TTC21B: variants seen among roughly 807,000 people sequenced by gnomAD.
TTC21B encodes tetratricopeptide repeat domain 21B, also known as tetratricopeptide repeat protein 21B.
A neutral mutation model predicts 175.1 loss-of-function variants in TTC21B; 127 were observed. The observed-to-expected ratio is 0.73, with a 90% confidence interval of 0.63 to 0.84. The LOEUF (loss-of-function observed/expected upper bound fraction) is 0.84, where lower values mean the gene tolerates loss of function less well. Among genes scored for constraint, TTC21B ranks in the 40% least tolerant of loss-of-function variants. The pLI is 0.00. For synonymous variants in TTC21B, 524 were observed against 524.5 expected (o/e 1.00, Z 0.01); for missense variants, 1,561 against 1,558.3 (o/e 1.00, Z -0.03).
intron 6 of TTC21B, among the ~76,000 whole-genome samples, chr2:165,937,593 C>G (rs1687197938): frequency 6.6e-6 from 1 of 151,986 alleles, no homozygotes; most frequent in African/African-American, 2.4e-5. Context: ...GAACCTAAAA[C>G]TACCCTAAAA....
chr2:165,900,356 C>T (rs895309191), intron 20 of TTC21B, among the ~76,000 whole-genome samples: 4 of 151,990 alleles, frequency 2.6e-5, no homozygotes, highest in Admixed American at 1.3e-4. Flanking sequence ...TTGTTTTTGC[C>T]GTTTATCTGA....
chr2:165,896,649 A>G (rs1227085240), intron 22 of TTC21B, among the ~76,000 whole-genome samples: 2 of 152,184 alleles, frequency 1.3e-5, no homozygotes, highest in Non-Finnish European at 2.9e-5. Flanking sequence ...CACAAAAGAA[A>G]ATGAGGCAGC....
intron 1 of TTC21B, among the ~76,000 whole-genome samples, chr2:165,953,366 G>C (rs1687819095): frequency 6.6e-6 from 1 of 152,184 alleles, no homozygotes; most frequent in Non-Finnish European, 1.5e-5. Flanking sequence ...ATCGCACCCG[G>C]AGGCGCAGTG....
chr2:165,876,114 A>G (rs779924410), intron 28 of TTC21B, 51 bp downstream of exon 28: 1 of 1,043,308 alleles, frequency 9.6e-7, no homozygotes, highest in South Asian at 1.3e-5. Context: ...TTAAAAAAGT[A>G]GGAAATTGTG....
In TTC21B at chr2:165,876,157, G is replaced by T. The variant is rs1352833895; in HGVS notation, c.3873+8C>A. The T allele has an allele frequency of 1.3e-6, 2 of 1,559,952 alleles. No individual in the cohort carries two copies. The highest frequency in any genetic ancestry group is 1.8e-6 in the Non-Finnish European group (2 of 1,133,848). On this transcript the variant is annotated splice_region_variant and intron_variant, in intron 28 of 28. Coordinates refer to ENST00000243344, the MANE Select transcript of TTC21B (RefSeq NM_024753.5). ...AAAATTTTAAGAAATCTAAATTTAAGTGTTTACCTGGTGACATATGTCAAT... is the reference window on the plus strand; with the variant it reads ...AAAATTTTAAGAAATCTAAATTTAATTGTTTACCTGGTGACATATGTCAAT...
chr2:165,935,268 T>C (rs1009172945), intron 6 of TTC21B, among the ~76,000 whole-genome samples: 1 of 152,198 alleles, frequency 6.6e-6, no homozygotes, highest in Non-Finnish European at 1.5e-5. Flanking sequence ...TTGTAGCAGC[T>C]TAGCCTACCC....
At chr2:165,922,827 C>CCA (rs1433473031) in intron 12 of TTC21B, among the ~76,000 whole-genome samples, 1 of 152,026 alleles carries the variant, frequency 6.6e-6, no homozygotes, top group Admixed American at 6.6e-5. Context: ...AGACATGGAA[C>CCA]CAACATAAGC....
chr2:165,919,544 C>T (rs1686311108), intron 12 of TTC21B, 111 bp from the exon 13 acceptor site: 4 of 1,255,616 alleles, frequency 3.2e-6, no homozygotes, highest in Non-Finnish European at 4.5e-6. Context: ...TGTTTGTAAA[C>T]TTAAAGTTTG....
intron 24 of TTC21B, among the ~76,000 whole-genome samples, chr2:165,890,140 G>A (rs1274744582): frequency 6.6e-6 from 1 of 152,176 alleles, no homozygotes; most frequent in Non-Finnish European, 1.5e-5. Flanking sequence ...CATTTGTTAA[G>A]TAGTTACTAT....
At chr2:165,877,001 T>G (rs1052376190) in intron 27 of TTC21B, among the ~76,000 whole-genome samples, 17 of 152,186 alleles carry the variant, frequency 1.1e-4, no homozygotes, top group South Asian at 6.2e-4. Flanking sequence ...TTACTGATAG[T>G]GAAATGCCAC....
At chr2:165,952,576 T>C (rs544805528) in intron 1 of TTC21B, among the ~76,000 whole-genome samples, 9 of 152,296 alleles carry the variant, frequency 5.9e-5, no homozygotes, top group Non-Finnish European at 1.0e-4. Flanking sequence ...GGAGGCCCAT[T>C]TTTACATTTT....
chr2:165,906,703 G>A (rs1402545459), intron 19 of TTC21B, among the ~76,000 whole-genome samples: 1 of 152,080 alleles, frequency 6.6e-6, no homozygotes, highest in East Asian at 1.9e-4. Context: ...CCAGCACGTT[G>A]GAAGGCCGTG....
Position 165,874,719 on chromosome 2 carries a change from T to G in TTC21B, c.*36A>C. ...AGAACTGAAAGTTAGATTTCTTTCATTTCCTGTTAAACCAACACCTAAGTT... is the reference window on the plus strand; with the variant it reads ...AGAACTGAAAGTTAGATTTCTTTCAGTTCCTGTTAAACCAACACCTAAGTT... On this transcript the variant is annotated 3_prime_UTR_variant, in exon 29 of 29. Transcript: ENST00000243344. The G allele has an allele frequency of 1.3e-6, 2 of 1,574,854 alleles. No homozygotes were observed. Among genetic ancestry groups the G allele is most frequent in the Non-Finnish European group, 1.7e-6 (2 of 1,144,426 alleles).
chr2:165,931,968 G>T (rs576222145), intron 7 of TTC21B, 112 bp from the exon 8 acceptor site: 2 of 734,496 alleles, frequency 2.7e-6, no homozygotes, highest in East Asian at 5.5e-5. Flanking sequence ...AAAGACCTTT[G>T]CTTTTATAAA....
intron 13 of TTC21B, 34 bp from the exon 14 acceptor site, chr2:165,917,515 C>T (rs1574102993): frequency 2.7e-6 from 4 of 1,483,446 alleles, no homozygotes; most frequent in Non-Finnish European, 2.8e-6. Flanking sequence ...CCTTGGAGTG[C>T]TTACAACATC....
intron 22 of TTC21B, among the ~76,000 whole-genome samples, chr2:165,898,416 G>GA (rs1211603894): frequency 3.9e-5 from 6 of 152,164 alleles, no homozygotes; most frequent in Non-Finnish European, 2.9e-5. Context: ...GGAGACAGGA[G>GA]AAAGTGGGAA....
At position 165,907,796 on chromosome 2, in the gene TTC21B, T is replaced by G. The variant is rs201927048; in HGVS notation, c.2462-12A>C. Reference sequence around the variant, plus strand: ...TGACAGTTCATTTACTATGAAAGAATGGAATGTAATGCAAAAAATTATTCA... The same window carrying G: ...TGACAGTTCATTTACTATGAAAGAAGGGAATGTAATGCAAAAAATTATTCA... On this transcript the variant is annotated splice_polypyrimidine_tract_variant and intron_variant, in intron 18 of 28. Coordinates refer to ENST00000243344, the MANE Select transcript of TTC21B (RefSeq NM_024753.5). 1 of 1,530,162 alleles carries G rather than the reference T, an allele frequency of 6.5e-7. No individual in the cohort carries two copies. Among genetic ancestry groups the G allele is most frequent in the East Asian group, 2.3e-5 (1 of 44,306 alleles). 94.8% of individuals were successfully genotyped at this position (1,530,162 alleles called of 1,614,324 possible).
In TTC21B at chr2:165,931,806, T is replaced by C; in HGVS notation, c.846A>G (p.Pro282=). 1 of 1,613,700 alleles carries C rather than the reference T, an allele frequency of 6.2e-7. No homozygotes were observed. The highest frequency in any genetic ancestry group is 1.1e-5 in the South Asian group (1 of 91,080). Residue 282 remains proline, a synonymous_variant, in exon 8 of 29, where the codon CCA becomes CCG. Coordinates refer to ENST00000243344, the MANE Select transcript of TTC21B (RefSeq NM_024753.5). ...TGTTATAGAAAAGTTGAGCATTCTG[T>C]GGTTCCATGGCATCCAATGTATTTC... ...NLGNTLDAME[P]QNAQLFYNIT... is the part of the protein sequence containing the mutation.
chr2:165,949,590 C>G lies in TTC21B; in HGVS notation c.151+5G>C. ...GATGGAACATGTTTAATGATTAACA[C>G]GTACCTTCCATTAATGTGCCATAGG... On this transcript the variant is annotated splice_donor_5th_base_variant and intron_variant, in intron 2 of 28. Coordinates refer to ENST00000243344, the MANE Select transcript of TTC21B (RefSeq NM_024753.5). 2 of 1,613,758 alleles carry G rather than the reference C, an allele frequency of 1.2e-6. No homozygotes were observed. Among genetic ancestry groups the G allele is most frequent in the Non-Finnish European group, 1.7e-6 (2 of 1,179,844 alleles).
Sources: gnomAD v4.1 joint callset for allele counts (sites outside exome capture counted in the v4.1 genomes callset) on GRCh38, gnomAD v4.1.1 for gene constraint, MANE v1.5 for transcripts, NCBI Gene and HGNC (gene_info 2026-07-23, HGNC 2026-07-21) for gene names.